Variants in KDM4C observed in about 807,000 individuals in gnomAD.
KDM4C encodes lysine-specific demethylase 4C.
A neutral mutation model predicts 129.3 loss-of-function variants in KDM4C; 81 were observed. The observed-to-expected ratio is 0.63, with a 90% CI of 0.52 to 0.75. The LOEUF is 0.75. Ranked by LOEUF, KDM4C falls within the 30% of genes least tolerant of loss-of-function variation. The pLI is 0.00. For missense variants in KDM4C, 1,457 were observed against 1,304.0 expected (o/e 1.12, Z -1.81); for synonymous variants, 573 against 456.1 (o/e 1.26, Z -3.26).
intron 1 of KDM4C, among the ~76,000 whole-genome samples, chr9:6,772,754 G>A (rs1419102089): frequency 2.3e-4 from 33 of 146,584 alleles, no homozygotes; most frequent in African/African-American, 7.1e-4. Context: ...GTGAAGTGGC[G>A]CCATCTTGGC....
chr9:6,788,644 A>G (rs1825936769), intron 1 of KDM4C, among the ~76,000 whole-genome samples: 1 of 152,216 alleles, frequency 6.6e-6, no homozygotes, highest in Non-Finnish European at 1.5e-5. Context: ...TGCAGCAGAT[A>G]CTGTGAGCCA....
At chr9:6,958,334 C>G (rs1429518781) in intron 8 of KDM4C, among the ~76,000 whole-genome samples, 1 of 152,000 alleles carries the variant, frequency 6.6e-6, no homozygotes, top group Non-Finnish European at 1.5e-5. Context: ...CTTGTAATAC[C>G]AGCACTTTGG....
intron 12 of KDM4C, among the ~76,000 whole-genome samples, chr9:7,010,926 C>T (rs1822565969): frequency 6.6e-6 from 1 of 152,070 alleles, no homozygotes; most frequent in Non-Finnish European, 1.5e-5. Context: ...TGGCTGTAAT[C>T]CTAACTACTC....
chr9:7,016,840 A>C (rs1823787613), intron 15 of KDM4C, among the ~76,000 whole-genome samples: 1 of 152,110 alleles, frequency 6.6e-6, no homozygotes, highest in South Asian at 2.1e-4. Flanking sequence ...TTTCTTGTCC[A>C]TCCCTATTTT....
intron 15 of KDM4C, among the ~76,000 whole-genome samples, chr9:7,027,680 G>A (rs1343389507): frequency 5.3e-5 from 8 of 152,180 alleles, no homozygotes. Flanking sequence ...CCTTCATGAT[G>A]GTGAGTTGTT....
chr9:7,164,286 T>A (rs1410893799), intron 19 of KDM4C, among the ~76,000 whole-genome samples: 1 of 151,722 alleles, frequency 6.6e-6, no homozygotes, highest in Non-Finnish European at 1.5e-5. Flanking sequence ...TTTAAAAGTT[T>A]GCAAACTATG....
rs576979725 is a variant in KDM4C at position 6,724,746 on chromosome 9, A to G, written c.49+3749A>G. Among the ~76,000 whole-genome samples, 47 of 152,102 alleles carry G rather than the reference A, an allele frequency of 3.1e-4. No individual in the cohort carries two copies. The East Asian group carries it at 7.8e-3, about 25-fold the overall frequency. On this transcript the variant is annotated intron_variant, in intron 1 of 17. Transcript: ENST00000536108. Reference sequence around the variant, plus strand: ...GGGTTTCACCATGTTGTACAGGATGATCTCGATCTCTTGACCTCGTGATCT... The same window carrying G: ...GGGTTTCACCATGTTGTACAGGATGGTCTCGATCTCTTGACCTCGTGATCT...
chr9:6,834,759 C>T (rs1477166782), intron 4 of KDM4C: 2 of 1,119,164 alleles, frequency 1.8e-6, no homozygotes, highest in African/African-American at 3.1e-5. Context: ...GAGGAGCATC[C>T]CATGCTGCTG....
chr9:7,126,094 G>A (rs79717187), intron 18 of KDM4C, among the ~76,000 whole-genome samples: 2,242 of 152,250 alleles, frequency 0.015, 49 homozygotes, highest in African/African-American at 0.051. Flanking sequence ...ACTCTGCAGA[G>A]TATTTCTGAG....
In KDM4C at chr9:6,758,198, C is replaced by T. The variant is rs565837383; in HGVS notation, c.-23C>T. 2 of 985,950 alleles carry T rather than the reference C, an allele frequency of 2.0e-6. No homozygotes were observed. The highest frequency in any genetic ancestry group is 2.4e-6 in the Non-Finnish European group (2 of 830,354). The allele number at this position is 985,950 out of a possible 1,614,324, so 61.1% of individuals were successfully genotyped here. A position where few individuals can be genotyped will look rare whatever the true frequency, so the allele number is the denominator to read the frequency against. On this transcript the variant is annotated 5_prime_UTR_variant, in exon 1 of 22. Coordinates refer to ENST00000381309, the MANE Select transcript of KDM4C (RefSeq NM_015061.6). The surrounding 1 kb of genome is among the most constrained non-coding windows in gnomAD (Gnocchi z 4.6). Reference sequence around the variant, plus strand: ...AGTCGTGCTCTCGCCCCAACCCGCGCGCCAGGTAACCGCTTTTCCGGAGTC... The same window carrying T: ...AGTCGTGCTCTCGCCCCAACCCGCGTGCCAGGTAACCGCTTTTCCGGAGTC...
At chr9:7,014,027 C>T in intron 14 of KDM4C, 26 bp downstream of exon 14, 1 of 1,576,594 alleles carries the variant, frequency 6.3e-7, no homozygotes, top group Non-Finnish European at 8.7e-7. Context: ...ATTCATCAAT[C>T]ACTGGCTTTT....
At chr9:6,785,000 T>A (rs868833586) in intron 1 of KDM4C, among the ~76,000 whole-genome samples, 1 of 152,216 alleles carries the variant, frequency 6.6e-6, no homozygotes, top group African/African-American at 2.4e-5. Flanking sequence ...AAAGCTAAGA[T>A]TGGAGAACGT....
At chr9:7,081,761 T>A (rs1454341853) in intron 17 of KDM4C, among the ~76,000 whole-genome samples, 1 of 152,208 alleles carries the variant, frequency 6.6e-6, no homozygotes, top group East Asian at 1.9e-4. Flanking sequence ...TTTCCACTAT[T>A]TGCAAAGCAT....
chr9:6,916,354 GTTTT>G (rs113553834), intron 8 of KDM4C, among the ~76,000 whole-genome samples: 1 of 145,320 alleles, frequency 6.9e-6, no homozygotes, highest in Non-Finnish European at 1.5e-5. Context: ...TTTAATGAGA[GTTTT>G]TTTTTTTTTG....
rs375028990 is a variant in KDM4C at position 7,142,699 on chromosome 9, TG to T, written c.2781+14464del. On this transcript the variant is annotated intron_variant, in intron 19 of 21. Coordinates refer to ENST00000381309, the MANE Select transcript of KDM4C (RefSeq NM_015061.6). ...ATATTTAATAATTGTAGATGTACAATGTTTTGCATAACATACCCATGGCTGG... is the reference window on the plus strand; with the variant it reads ...ATATTTAATAATTGTAGATGTACAATTTTTGCATAACATACCCATGGCTGG... 3.8e-3 allele frequency among the ~76,000 whole-genome samples: 573 copies of T among 152,348 alleles called. 4 individuals carry two copies. Among genetic ancestry groups the T allele is most frequent in the African/African-American group, 0.013 (546 of 41,568 alleles).
intron 17 of KDM4C, among the ~76,000 whole-genome samples, chr9:7,081,648 T>G (rs1834530847): frequency 6.6e-6 from 1 of 152,162 alleles, no homozygotes; most frequent in Non-Finnish European, 1.5e-5. Flanking sequence ...TGGAAAAACA[T>G]TAAACACCTC....
At chr9:6,858,176 CAGGGCAAAATCTTACCCATTGTG>C (rs1466062553) in intron 5 of KDM4C, among the ~76,000 whole-genome samples, 2 of 152,092 alleles carry the variant, frequency 1.3e-5, no homozygotes, top group African/African-American at 4.8e-5. Flanking sequence ...ACAGAAGACT[CAGGGCAAAATCTTACCCATTGTG>C]AGAATCCCTT....
chr9:6,729,550 A>G (rs1817255055), intron 1 of KDM4C, among the ~76,000 whole-genome samples: 1 of 134,036 alleles, frequency 7.5e-6, no homozygotes, highest in African/African-American at 3.2e-5. Context: ...CTCAAAAACA[A>G]AAAAAACAAA....
chr9:7,027,359 T>C (rs1176640233), intron 15 of KDM4C, among the ~76,000 whole-genome samples: 1 of 152,224 alleles, frequency 6.6e-6, no homozygotes, highest in Admixed American at 6.5e-5. Context: ...TTCATGTTCT[T>C]GGATAAAATC....
Sources: gnomAD v4.1 joint callset for allele counts (sites outside exome capture counted in the v4.1 genomes callset) on GRCh38, gnomAD v4.1.1 for gene constraint, Gnocchi (gnomAD v3.1) non-coding constraint, MANE v1.5 for transcripts, NCBI Gene and HGNC (gene_info 2026-07-23, HGNC 2026-07-21) for gene names.